The following INTS2 variants were observed in gnomAD, a reference collection of about 807,000 sequenced individuals.
The protein encoded by INTS2 is integrator complex subunit 2.
Under a neutral mutation model 139.6 loss-of-function variants are expected in INTS2, and 57 were observed. That is an observed-to-expected ratio of 0.41 (90% CI 0.33 to 0.51). INTS2 has a LOEUF of 0.51. INTS2 is among the 20% of genes least tolerant of loss of function. The pLI is 0.28. For missense variants in INTS2, 1,196 were observed against 1,436.7 expected (o/e 0.83, Z 2.71); for synonymous variants, 473 against 493.4 (o/e 0.96, Z 0.55).
At position 61,921,039 on chromosome 17, in the gene INTS2, C is replaced by T. The variant is rs1049182329; in HGVS notation, c.535+686G>A. On this transcript the variant is annotated intron_variant, in intron 4 of 24. Transcript: ENST00000251334. The stretch of plus-strand genomic sequence containing the variant: ...AGCTCAAGTGATCCTCCTGCCTCGG[C>T]CTCCCAAAGTGCTGGGATTACAGGC... Among the ~76,000 whole-genome samples, 12 of 152,176 alleles carry T rather than the reference C, an allele frequency of 7.9e-5. 1 individual carries two copies. The highest frequency in any genetic ancestry group is 1.7e-4 in the African/African-American group (7 of 41,434).
rs2079068645 is a variant in INTS2 at position 61,869,072 on chromosome 17, G to C, written c.3206C>G (p.Ala1069Gly). Residue 1069 changes from alanine (A) to glycine (G), a missense_variant, in exon 23 of 25, where the codon GCT (alanine) becomes GGT (glycine). Transcript: ENST00000251334. The surrounding 1 kb of genome is among the most constrained non-coding windows in gnomAD (Gnocchi z 5.4). ...QYALPKSLSVARLAVNVMGTL... is the reference protein window; with the variant it reads ...QYALPKSLSVGRLAVNVMGTL... Reference sequence around the variant, plus strand: ...TCCCATGACATTGACAGCTAAACGAGCCACACTAAGTGACTTTGGTAATGC... The same window carrying C: ...TCCCATGACATTGACAGCTAAACGACCCACACTAAGTGACTTTGGTAATGC... The C allele has an allele frequency of 6.2e-7, 1 of 1,612,268 alleles. No homozygotes were observed. Among genetic ancestry groups the C allele is most frequent in the African/African-American group, 1.3e-5 (1 of 74,886 alleles).
chr17:61,920,372 G>A (rs1012301425), intron 4 of INTS2, among the ~76,000 whole-genome samples: 1 of 151,718 alleles, frequency 6.6e-6, no homozygotes, highest in African/African-American at 2.4e-5. Flanking sequence ...AGTAGAGACA[G>A]GGTTTCACCA....
intron 3 of INTS2, among the ~76,000 whole-genome samples, chr17:61,922,230 G>A (rs1419348209): frequency 6.6e-6 from 1 of 152,016 alleles, no homozygotes; most frequent in Admixed American, 6.6e-5. Context: ...CAGCACTTTG[G>A]AAGGCCAAGA....
chr17:61,886,361 G>A (rs955995025), intron 15 of INTS2, among the ~76,000 whole-genome samples: 1 of 152,114 alleles, frequency 6.6e-6, no homozygotes, highest in Non-Finnish European at 1.5e-5. Flanking sequence ...ATTAAGTCAG[G>A]CAATACGAAT....
At chr17:61,885,122 C>G (rs927761738) in intron 15 of INTS2, 117 bp from the exon 16 acceptor site, 4 of 662,720 alleles carry the variant, frequency 6.0e-6, no homozygotes, top group Non-Finnish European at 1.0e-5. Context: ...AATTAACCTG[C>G]GAATATAGCA....
At chr17:61,885,414 CT>C (rs201806448) in intron 15 of INTS2, 33,289 of 141,584 alleles carry the variant, frequency 0.24, 3,021 homozygotes, top group South Asian at 0.45. Flanking sequence ...GTAATTTTAT[CT>C]TTTTTTTTTT....
intron 6 of INTS2, 29 bp from the exon 7 acceptor site, chr17:61,911,722 T>G (rs1567913023): frequency 6.3e-7 from 1 of 1,596,146 alleles, no homozygotes; most frequent in Admixed American, 1.8e-5. Flanking sequence ...CAAACTGAAT[T>G]CAGTATCATA....
chr17:61,892,449 C>T (rs897638981), intron 13 of INTS2, among the ~76,000 whole-genome samples: 3 of 152,064 alleles, frequency 2.0e-5, no homozygotes, highest in Non-Finnish European at 4.4e-5. Context: ...TGTGAGGTGT[C>T]CTTATGACAA....
chr17:61,867,753 A>C lies in INTS2; in HGVS notation c.3422-27T>G. The C allele has an allele frequency of 6.4e-7, 1 of 1,564,074 alleles. No individual in the cohort carries two copies. Among genetic ancestry groups the C allele is most frequent in the Non-Finnish European group, 8.6e-7 (1 of 1,157,556 alleles). On this transcript the variant is annotated intron_variant, in intron 24 of 24. Coordinates refer to ENST00000251334, the MANE Select transcript of INTS2 (RefSeq NM_001351695.2). The surrounding 1 kb of genome is among the most constrained non-coding windows in gnomAD (Gnocchi z 5.6). ...TACAACATAAGGGAAAAAAAACATT[A>C]AGGCCAAGAAATTTGGAAAGGAATT... is the stretch of plus-strand genomic sequence containing the variant.
At chr17:61,896,169 G>A (rs2079345861) in intron 11 of INTS2, among the ~76,000 whole-genome samples, 1 of 145,982 alleles carries the variant, frequency 6.9e-6, no homozygotes, top group African/African-American at 2.5e-5. Flanking sequence ...GAACCTGGGA[G>A]ACGGAGCTTG....
chr17:61,891,778 T>A, intron 13 of INTS2, 89 bp from the exon 14 acceptor site: 2 of 919,224 alleles, frequency 2.2e-6, no homozygotes, highest in East Asian at 5.3e-5. Flanking sequence ...TTTACATGAA[T>A]TATGAATCAG....
chr17:61,920,791 A>G (rs569846408), intron 4 of INTS2, among the ~76,000 whole-genome samples: 1 of 151,976 alleles, frequency 6.6e-6, no homozygotes, highest in Admixed American at 6.5e-5. Context: ...TGACAGAGTG[A>G]GACTCCATCT....
chr17:61,920,825 C>T (rs2079633653), intron 4 of INTS2, among the ~76,000 whole-genome samples: 1 of 152,048 alleles, frequency 6.6e-6, no homozygotes, highest in African/African-American at 2.4e-5. Flanking sequence ...CAAGGTCTCA[C>T]TCTGGACAGA....
In INTS2 at chr17:61,926,450, G is replaced by T. The variant is rs2079714837; in HGVS notation, c.195C>A (p.Arg65=). The part of the protein sequence containing the change: ...SWAQDKKLIL[R]LLSGVEAVNS... The stretch of plus-strand genomic sequence containing the variant: ...TGACAGCTTCCACTCCAGAAAGAAG[G>T]CGAAGGATGAGTTTCTTATCCTGAG... Residue 65 remains arginine (R), a synonymous_variant, in exon 2 of 25, where the codon CGC becomes CGA. Transcript: ENST00000251334. 6.2e-7 allele frequency: 1 copy of T among 1,613,866 alleles called. No homozygotes were observed. Among genetic ancestry groups the T allele is most frequent in the Admixed American group, 1.7e-5 (1 of 60,006 alleles).
In INTS2 at chr17:61,882,193, G is replaced by C. The variant is rs1028137958; in HGVS notation, c.2090-1022C>G. Among the ~76,000 whole-genome samples, 33 of 152,260 alleles carry C rather than the reference G, an allele frequency of 2.2e-4. No homozygotes were observed. The highest frequency in any genetic ancestry group is 2.8e-4 in the Non-Finnish European group (19 of 68,012). On this transcript the variant is annotated intron_variant, in intron 16 of 24. Coordinates refer to ENST00000251334, the MANE Select transcript of INTS2 (RefSeq NM_001351695.2). The surrounding 1 kb of genome is among the most constrained non-coding windows in gnomAD (Gnocchi z 4.7). ...AAGTAAGCAATGCCTCCATTCTACT[G>C]TAAGGAACAAACAATGCTGAAAGAC...
rs867200867 is a variant in INTS2, at chr17:61,909,237, G to A, written c.955-1603C>T. On this transcript the variant is annotated intron_variant, in intron 7 of 24. Coordinates refer to ENST00000251334, the MANE Select transcript of INTS2 (RefSeq NM_001351695.2). This position sits in a 1 kb window ranked among gnomAD's most constrained non-coding sequence, Gnocchi z 4.9. ...AGCGATTCTCCTGCCTCAGCCTCCC[G>A]AGTAGCTGGGACTACAGGCACGCAC... Among the ~76,000 whole-genome samples the A allele has an allele frequency of 1.3e-5, 2 of 151,624 alleles. No individual in the cohort carries two copies. The highest frequency in any genetic ancestry group is 1.5e-5 in the Non-Finnish European group (1 of 67,942).
At chr17:61,886,046 T>C (rs1414638857) in intron 15 of INTS2, among the ~76,000 whole-genome samples, 2 of 151,860 alleles carry the variant, frequency 1.3e-5, no homozygotes, top group Non-Finnish European at 2.9e-5. Flanking sequence ...TATACAATAG[T>C]GGTGACTAAA....
rs756206826 is a variant in INTS2 at position 61,907,500 on chromosome 17, C to T, written c.1089G>A (p.Val363=). 1 of 1,602,434 alleles carries T rather than the reference C, an allele frequency of 6.2e-7. No individual in the cohort carries two copies. The highest frequency in any genetic ancestry group is 1.7e-5 in the Admixed American group (1 of 58,320). The change falls in exon 8 of 25, where the codon GTG becomes GTA. Residue 363 remains valine, a synonymous_variant. Transcript: ENST00000251334. ...EEADVDMEPN[V]SVYSGLKEEH... is the part of the protein sequence containing the mutation. ...CTTCTTTCAGCCCCGAATACACAGA[C>T]ACATTGGGCTCCATATCCACATCAG...
chr17:61,919,278 A>G (rs1028208718), intron 5 of INTS2, 122 bp downstream of exon 5: 2 of 597,370 alleles, frequency 3.3e-6, no homozygotes, highest in Non-Finnish European at 3.0e-6. Context: ...ACATACTAAC[A>G]AACTTTCAAA....
Sources: gnomAD v4.1 joint callset for allele counts (sites outside exome capture counted in the v4.1 genomes callset) on GRCh38, gnomAD v4.1.1 for gene constraint, Gnocchi (gnomAD v3.1) non-coding constraint, MANE v1.5 for transcripts, NCBI Gene and HGNC (gene_info 2026-07-23, HGNC 2026-07-21) for gene names.